ALK: variants seen among roughly 807,000 people sequenced by gnomAD.
The protein encoded by ALK is ALK tyrosine kinase receptor.
ALK carries 74 observed loss-of-function variants against 163.1 expected under a neutral mutation model. The ratio of observed to expected loss-of-function variants is 0.45; its 90% CI spans 0.38 to 0.55. ALK has a LOEUF of 0.55. Ranked by LOEUF, ALK falls within the 20% of genes least tolerant of loss-of-function variation. ALK has a pLI of 0.00. For missense variants in ALK, 2,063 were observed against 2,105.3 expected (o/e 0.98, Z 0.39); for synonymous variants, 960 against 843.2 (o/e 1.14, Z -2.40).
intron 1 of ALK, among the ~76,000 whole-genome samples, chr2:29,794,394 T>TA (rs547483872): frequency 1.2e-4 from 18 of 152,200 alleles, no homozygotes; most frequent in Non-Finnish European, 2.2e-4. Context: ...TGTTTTGCTT[T>TA]AAAAAAAATC....
At chr2:29,479,062 T>C (rs1003626495) in intron 4 of ALK, among the ~76,000 whole-genome samples, 1 of 152,194 alleles carries the variant, frequency 6.6e-6, no homozygotes, top group Non-Finnish European at 1.5e-5. Flanking sequence ...AAAGAAAGGA[T>C]GTCTTCGCTA....
chr2:29,222,488 G>T, intron 21 of ALK, 29 bp downstream of exon 21: 3 of 1,613,856 alleles, frequency 1.9e-6, no homozygotes, highest in Non-Finnish European at 2.5e-6. Flanking sequence ...GCAAGCCAAG[G>T]GCAGGCTCAA....
chr2:29,773,408 C>T (rs1443373260), intron 1 of ALK, among the ~76,000 whole-genome samples: 1 of 152,122 alleles, frequency 6.6e-6, no homozygotes, highest in South Asian at 2.1e-4. Context: ...TAGGAAGTGA[C>T]CTCTCTCTTC....
intron 4 of ALK, among the ~76,000 whole-genome samples, chr2:29,451,401 C>T (rs1670817618): frequency 6.6e-6 from 1 of 152,196 alleles, no homozygotes; most frequent in Non-Finnish European, 1.5e-5. Context: ...AACTCTTTAG[C>T]TTGGCTCCAA....
chr2:29,433,457 C>A (rs1573349930), intron 4 of ALK, among the ~76,000 whole-genome samples: 1 of 152,122 alleles, frequency 6.6e-6, no homozygotes, highest in Non-Finnish European at 1.5e-5. Context: ...AAATTGTTCC[C>A]CCCAAGTGCT....
At chr2:29,614,320 T>G (rs1482357520) in intron 3 of ALK, among the ~76,000 whole-genome samples, 3 of 152,168 alleles carry the variant, frequency 2.0e-5, no homozygotes, top group African/African-American at 7.2e-5. Flanking sequence ...TCCAGTTTGC[T>G]CAACAGGTAG....
At chr2:29,780,209 C>G (rs1207977853) in intron 1 of ALK, among the ~76,000 whole-genome samples, 1 of 152,226 alleles carries the variant, frequency 6.6e-6, no homozygotes, top group African/African-American at 2.4e-5. Flanking sequence ...TTCAGCAACC[C>G]TCAGGGTCTT....
chr2:29,891,637 T>C (rs530068685), intron 1 of ALK, among the ~76,000 whole-genome samples: 1 of 152,266 alleles, frequency 6.6e-6, no homozygotes, highest in African/African-American at 2.4e-5. Context: ...ATAAGAACTA[T>C]AAGAAAATGC....
rs552586099 is a variant in ALK at position 29,490,659 on chromosome 2, G to A, written c.1154+41256C>T. ...CCCTTGGATTTTATGGATGCCACGGGCCTCTTTGGCAGACTGGTGAAGTAC... is the reference window on the plus strand; with the variant it reads ...CCCTTGGATTTTATGGATGCCACGGACCTCTTTGGCAGACTGGTGAAGTAC... On this transcript the variant is annotated intron_variant, in intron 4 of 28. Coordinates refer to ENST00000389048, the MANE Select transcript of ALK (RefSeq NM_004304.5). Among the ~76,000 whole-genome samples the A allele has an allele frequency of 3.9e-5, 6 of 152,288 alleles. No individual in the cohort carries two copies. The South Asian group carries it at 1.0e-3, about 26-fold the overall frequency.
chr2:29,626,379 T>A (rs980549291), intron 3 of ALK, among the ~76,000 whole-genome samples: 19 of 152,140 alleles, frequency 1.2e-4, no homozygotes, highest in African/African-American at 4.3e-4. Context: ...TCTGATGGTT[T>A]TATAAACAGG....
intron 1 of ALK, among the ~76,000 whole-genome samples, chr2:29,908,491 T>A (rs895037302): frequency 6.6e-6 from 1 of 152,230 alleles, no homozygotes; most frequent in Non-Finnish European, 1.5e-5. Context: ...ATTCTCAAAT[T>A]ACCTCCTTCT....
intron 5 of ALK, among the ~76,000 whole-genome samples, chr2:29,371,058 T>C (rs1407061649): frequency 6.6e-6 from 1 of 152,232 alleles, no homozygotes; most frequent in Non-Finnish European, 1.5e-5. Context: ...ATGCTGATCA[T>C]AGAACTCCAT....
At position 29,561,432 on chromosome 2, in the gene ALK, T is replaced by G. The variant is rs80296560; in HGVS notation, c.953-29316A>C. On this transcript the variant is annotated intron_variant, in intron 3 of 28. Coordinates refer to ENST00000389048, the MANE Select transcript of ALK (RefSeq NM_004304.5). ...TAGCCCGGTGATTGGAGGAGGGGTGTTGGGCTGGGCGTGGAGGAAGCTGCT... is the reference window on the plus strand; with the variant it reads ...TAGCCCGGTGATTGGAGGAGGGGTGGTGGGCTGGGCGTGGAGGAAGCTGCT... Among the ~76,000 whole-genome samples, 353 of 152,280 alleles carry G rather than the reference T, an allele frequency of 2.3e-3. 2 individuals are homozygous for G. Among genetic ancestry groups the G allele is most frequent in the East Asian group, 7.0e-3 (36 of 5,168 alleles).
intron 1 of ALK, among the ~76,000 whole-genome samples, chr2:29,750,503 A>T (rs1332815016): frequency 6.6e-6 from 1 of 151,972 alleles, no homozygotes; most frequent in Non-Finnish European, 1.5e-5. Context: ...TCTCTACAAT[A>T]AATTAAAAAA....
At position 29,858,238 on chromosome 2, in the gene ALK, G is replaced by A. The variant is rs114157449; in HGVS notation, c.667+61755C>T. Among the ~76,000 whole-genome samples, 564 of 152,124 alleles carry A rather than the reference G, an allele frequency of 3.7e-3. 1 individual carries two copies. Among genetic ancestry groups the A allele is most frequent in the South Asian group, 7.7e-3 (37 of 4,806 alleles). On this transcript the variant is annotated intron_variant, in intron 1 of 28. Coordinates refer to ENST00000389048, the MANE Select transcript of ALK (RefSeq NM_004304.5). The stretch of plus-strand genomic sequence containing the variant: ...TTCCTGCCTTAATCCCTAACACCCA[G>A]TAACCACTAATCTCCACTTCTATAA...
At chr2:29,456,713 T>C (rs907263090) in intron 4 of ALK, among the ~76,000 whole-genome samples, 1 of 152,200 alleles carries the variant, frequency 6.6e-6, no homozygotes, top group Non-Finnish European at 1.5e-5. Flanking sequence ...GTAAATTTTA[T>C]GTTATATGTA....
At chr2:29,587,559 T>C (rs1198325838) in intron 3 of ALK, among the ~76,000 whole-genome samples, 2 of 152,182 alleles carry the variant, frequency 1.3e-5, no homozygotes, top group East Asian at 1.9e-4. Context: ...TCAAGTCACA[T>C]GCTAATGTGT....
At chr2:29,827,559 T>C (rs1283854678) in intron 1 of ALK, among the ~76,000 whole-genome samples, 1 of 152,206 alleles carries the variant, frequency 6.6e-6, no homozygotes, top group Non-Finnish European at 1.5e-5. Context: ...AAAGGCAGTC[T>C]CAGGGTATTA....
intron 3 of ALK, among the ~76,000 whole-genome samples, chr2:29,569,275 A>G (rs1363719363): frequency 1.5e-5 from 2 of 136,684 alleles, no homozygotes; most frequent in Non-Finnish European, 1.6e-5. Context: ...CTGACTTTCT[A>G]TAATTACAGC....
Sources: gnomAD v4.1 joint callset for allele counts (sites outside exome capture counted in the v4.1 genomes callset) on GRCh38, gnomAD v4.1.1 for gene constraint, MANE v1.5 for transcripts, NCBI Gene and HGNC (gene_info 2026-07-23, HGNC 2026-07-21) for gene names.